Variants in PVT1 observed in about 807,000 individuals in gnomAD.
PVT1 encodes the protein CXCR4/PVT1 fusion.
At chr8:128,060,617 A>C (rs1813818790) in intron 4 of PVT1, among the ~76,000 whole-genome samples, 1 of 152,210 alleles carries the variant, frequency 6.6e-6, no homozygotes, top group African/African-American at 2.4e-5. Flanking sequence ...TTTCCTGAAC[A>C]CCAATTATGC....
chr8:128,096,138 C>T (rs1586517710), intron 5 of PVT1, among the ~76,000 whole-genome samples: 1 of 152,228 alleles, frequency 6.6e-6, no homozygotes, highest in East Asian at 1.9e-4. Flanking sequence ...TGATGGGGTT[C>T]AGGAAGGAGT....
At chr8:127,891,567 TTAAGTATTA>T (rs1311290055) in intron 3 of PVT1, among the ~76,000 whole-genome samples, 3 of 152,074 alleles carry the variant, frequency 2.0e-5, no homozygotes, top group African/African-American at 7.2e-5. Flanking sequence ...CAGTGAAGGG[TTAAGTATTA>T]TCACACGTCA....
chr8:127,863,573 G>A (rs561814411), intron 2 of PVT1, among the ~76,000 whole-genome samples: 4 of 152,332 alleles, frequency 2.6e-5, no homozygotes, highest in South Asian at 2.1e-4. Context: ...TGTTGGCGTC[G>A]GGGGTGGACT....
chr8:127,904,384 C>T (rs1388726371), intron 3 of PVT1, among the ~76,000 whole-genome samples: 1 of 39,492 alleles, frequency 2.5e-5, no homozygotes, highest in East Asian at 4.7e-4. Context: ...TTTGACTGCC[C>T]CTGGCCCTGC....
chr8:127,832,874 A>G (rs1233637423), intron 2 of PVT1, among the ~76,000 whole-genome samples: 1 of 152,110 alleles, frequency 6.6e-6, no homozygotes, highest in Non-Finnish European at 1.5e-5. Context: ...AAAAAAAAAA[A>G]TTCTTGCACA....
chr8:127,970,908 C>T (rs1816758392), intron 3 of PVT1, among the ~76,000 whole-genome samples: 1 of 152,184 alleles, frequency 6.6e-6, no homozygotes, highest in African/African-American at 2.4e-5. Flanking sequence ...TGTCCCATCT[C>T]ATGTCATCTA....
intron 3 of PVT1, among the ~76,000 whole-genome samples, chr8:127,909,293 C>T (rs1021295077): frequency 1.3e-5 from 2 of 152,200 alleles, no homozygotes; most frequent in South Asian, 2.1e-4. Context: ...CTGCTGTGTT[C>T]GCAGTGTGGT....
chr8:128,025,184 C>T (rs1319236857), intron 4 of PVT1, among the ~76,000 whole-genome samples: 1 of 152,222 alleles, frequency 6.6e-6, no homozygotes, highest in Non-Finnish European at 1.5e-5. Flanking sequence ...GCCCCAGGCA[C>T]CTGCCACACT....
chr8:128,034,030 G>A (rs116839409), intron 4 of PVT1, among the ~76,000 whole-genome samples: 1,569 of 151,508 alleles, frequency 0.01, 27 homozygotes, highest in African/African-American at 0.036. Flanking sequence ...CGAGCTGTGA[G>A]CTTACAGGTG....
chr8:127,930,091 C>T (rs1053818878), intron 3 of PVT1, among the ~76,000 whole-genome samples: 5 of 152,130 alleles, frequency 3.3e-5, no homozygotes, highest in African/African-American at 1.2e-4. Flanking sequence ...GTTCCCAGCA[C>T]GTTTGTGATT....
rs142271873 is a variant in PVT1 at position 127,872,376 on chromosome 8, G to A, written n.373-18213G>A. 8.8e-3 allele frequency among the ~76,000 whole-genome samples: 1,344 copies of A among 152,288 alleles called. 9 individuals carry two copies. The highest frequency in any genetic ancestry group is 0.015 in the Non-Finnish European group (1,004 of 68,016). ...TGCAGTGAGCTGAGATTGCGCCACTGCACTCCAGCCTGGGTGGCAGAGAGA... is the reference window on the plus strand; with the variant it reads ...TGCAGTGAGCTGAGATTGCGCCACTACACTCCAGCCTGGGTGGCAGAGAGA... On this transcript the variant is annotated intron_variant and non_coding_transcript_variant, in intron 2 of 10. Coordinates refer to ENST00000651587, the Ensembl canonical transcript of PVT1.
chr8:127,831,313 T>C (rs1460596323), intron 2 of PVT1, among the ~76,000 whole-genome samples: 1 of 150,840 alleles, frequency 6.6e-6, no homozygotes, highest in Non-Finnish European at 1.5e-5. Context: ...AAAAAAAGAA[T>C]GACTCCTAGG....
rs546564432 is a variant in PVT1 at position 128,000,968 on chromosome 8, A to G, written n.912+11677A>G. ...ATGTTCAATACAGGATTTGTTTTTT[A>G]TCTGAAATTCTACCCGTTAAAACAT... On this transcript the variant is annotated intron_variant and non_coding_transcript_variant, in intron 4 of 10. Coordinates refer to ENST00000651587, the Ensembl canonical transcript of PVT1. 3.2e-4 allele frequency among the ~76,000 whole-genome samples: 49 copies of G among 152,278 alleles called. 1 individual carries two copies. In the South Asian group the frequency reaches 9.5e-3, roughly 30 times the overall value.
At chr8:127,849,870 ACGTGCGTGGGTG>A in intron 2 of PVT1, among the ~76,000 whole-genome samples, 1 of 140,238 alleles carries the variant, frequency 7.1e-6, no homozygotes, top group Non-Finnish European at 1.5e-5. Flanking sequence ...TCCTGCGTGC[ACGTGCGTGGGTG>A]CACAGCCTGT....
intron 2 of PVT1, among the ~76,000 whole-genome samples, chr8:127,830,602 C>A (rs1814838252): frequency 1.3e-5 from 2 of 152,004 alleles, no homozygotes; most frequent in African/African-American, 4.8e-5. Flanking sequence ...TCCTACGAGT[C>A]AGGCTGGGTG....
At chr8:128,016,324 T>C (rs919480465) in intron 4 of PVT1, among the ~76,000 whole-genome samples, 2 of 151,828 alleles carry the variant, frequency 1.3e-5, no homozygotes, top group Non-Finnish European at 2.9e-5. Context: ...CTGCCATAAA[T>C]ACCTTAGTGT....
At chr8:128,030,788 C>G (rs1399800869) in intron 4 of PVT1, among the ~76,000 whole-genome samples, 1 of 152,220 alleles carries the variant, frequency 6.6e-6, no homozygotes, top group Non-Finnish European at 1.5e-5. Context: ...AAGCTCATCT[C>G]AGCATTGAAC....
intron 3 of PVT1, chr8:127,947,572 C>G (rs189546186): frequency 2.6e-6 from 1 of 380,236 alleles, no homozygotes; most frequent in East Asian, 7.2e-5. Flanking sequence ...GCATAGGAAT[C>G]ACTGCTTAGC....
At chr8:127,979,022 A>G (rs1191155349) in intron 3 of PVT1, among the ~76,000 whole-genome samples, 1 of 152,198 alleles carries the variant, frequency 6.6e-6, no homozygotes, top group African/African-American at 2.4e-5. Flanking sequence ...CATTATTGTT[A>G]TTTGGACATT....
Sources: allele counts gnomAD v4.1 joint callset (sites outside exome capture counted in the v4.1 genomes callset), GRCh38; gene constraint gnomAD v4.1.1; transcripts MANE v1.5; gene names NCBI Gene and HGNC (gene_info 2026-07-23, HGNC 2026-07-21).